Variants in MYO1A observed in about 807,000 individuals in gnomAD.
The protein encoded by MYO1A is unconventional myosin-Ia.
Under a neutral mutation model 138.5 loss-of-function variants are expected in MYO1A, and 127 were observed. That is an observed-to-expected ratio of 0.92 (90% confidence interval 0.79 to 1.06). MYO1A has a LOEUF of 1.06. Among genes scored for constraint, MYO1A ranks in the 50% least tolerant of loss-of-function variants. MYO1A has a pLI of 0.00. For missense variants in MYO1A, 1,211 were observed against 1,288.8 expected (o/e 0.94, Z 0.92); for synonymous variants, 477 against 497.5 (o/e 0.96, Z 0.55).
At chr12:57,038,151 C>A (rs933902950) in intron 17 of MYO1A, 82 bp from the exon 18 acceptor site, 3 of 1,502,072 alleles carry the variant, frequency 2.0e-6, no homozygotes, top group Non-Finnish European at 1.8e-6. Flanking sequence ...CTATGCTGCA[C>A]ACGGTGCACT....
At position 57,046,603 on chromosome 12, in the gene MYO1A, T is replaced by G; in HGVS notation, c.589A>C (p.Asn197His). The change falls in exon 8 of 28, where the codon AAC becomes CAC. Residue 197 changes from asparagine to histidine, a missense_variant. Asn to His is a moderately conservative substitution (Grantham distance 68). Coordinates refer to ENST00000300119, the MANE Select transcript of MYO1A (RefSeq NM_005379.4). ...RLVKQLKGER[N>H]FHIFYQLLAG... ...AGCAGCTGATAGAAGATGTGGAAGT[T>G]CCTTTCTCCTTTGAGCTGCTTCACT... 1 of 1,614,108 alleles carries G rather than the reference T, an allele frequency of 6.2e-7. No individual in the cohort carries two copies. The highest frequency in any genetic ancestry group is 8.5e-7 in the Non-Finnish European group (1 of 1,180,024).
At chr12:57,050,612 T>TG (rs1565649951), upstream of MYO1A, 1 of 152,228 alleles carries the variant, frequency 6.6e-6, no homozygotes, top group Non-Finnish European at 1.5e-5. Context: ...TGAGATTACT[T>TG]GGAGAGCTAA....
At chr12:57,035,797 C>T (rs1220720260) in intron 22 of MYO1A, among the ~76,000 whole-genome samples, 1 of 152,194 alleles carries the variant, frequency 6.6e-6, no homozygotes, top group Non-Finnish European at 1.5e-5. Context: ...CCAGCCTGAC[C>T]CACGTCCTCC....
At chr12:57,030,951 A>G in intron 23 of MYO1A, 89 bp downstream of exon 23, 1 of 1,518,552 alleles carries the variant, frequency 6.6e-7, no homozygotes. Context: ...TTTAATGGGA[A>G]AAAAATAGAA....
In MYO1A at chr12:57,036,822, TC is replaced by T; in HGVS notation, c.2223del (p.Lys742ArgfsTer2). Reference sequence around the variant, plus strand: ...ATCAATAACACGGATGCCTTTATCTTCCCATAGCATTTCTTTTGCTGTAGAA... The same window carrying T: ...ATCAATAACACGGATGCCTTTATCTTCCATAGCATTTCTTTTGCTGTAGAA... Reference protein sequence around the residue: ...FRGNMQKKCYGKIKASVLLIQ... With the variant: ...FRGNMQKKCYXKIKASVLLIQ... On this transcript the variant is annotated frameshift_variant, in exon 21 of 28. Coordinates refer to ENST00000300119, the MANE Select transcript of MYO1A (RefSeq NM_005379.4). LOFTEE classifies it high-confidence loss of function. 1 of 1,614,226 alleles carries T rather than the reference TC, an allele frequency of 6.2e-7. No individual in the cohort carries two copies. The highest frequency in any genetic ancestry group is 8.5e-7 in the Non-Finnish European group (1 of 1,180,042).
chr12:57,038,143 A>C, intron 17 of MYO1A, 74 bp from the exon 18 acceptor site: 1 of 1,523,970 alleles, frequency 6.6e-7, no homozygotes, highest in Non-Finnish European at 9.1e-7. Context: ...ATATTCCCCT[A>C]TGCTGCACAC....
chr12:57,037,737 CATTCA>C (rs2030631272), intron 18 of MYO1A, 96 bp from the exon 19 acceptor site: 4 of 1,485,550 alleles, frequency 2.7e-6, no homozygotes, highest in Admixed American at 1.7e-5. Flanking sequence ...AAGAAGTGAT[CATTCA>C]ATTCATTTCT....
intron 5 of MYO1A, 48 bp from the exon 6 acceptor site, chr12:57,047,155 A>C (rs1487848988): frequency 6.2e-7 from 1 of 1,608,962 alleles, no homozygotes; most frequent in East Asian, 2.2e-5. Flanking sequence ...AAGGGAAAGG[A>C]GGAAGGGCTT....
At chr12:57,045,271 G>A (rs1045967790) in intron 8 of MYO1A, among the ~76,000 whole-genome samples, 16 of 151,904 alleles carry the variant, frequency 1.1e-4, no homozygotes, top group African/African-American at 2.7e-4. Context: ...GGAGGGATTC[G>A]GTTAATCATG....
At chr12:57,040,974 A>C (rs927714935) in intron 14 of MYO1A, among the ~76,000 whole-genome samples, 1 of 152,092 alleles carries the variant, frequency 6.6e-6, no homozygotes, top group Non-Finnish European at 1.5e-5. Context: ...CCACACATGT[A>C]CCCTGGGAGG....
At chr12:57,045,235 A>G (rs1328533112) in intron 8 of MYO1A, among the ~76,000 whole-genome samples, 2 of 152,154 alleles carry the variant, frequency 1.3e-5, no homozygotes, top group Non-Finnish European at 2.9e-5. Context: ...AATCAAGTGA[A>G]TGATCAAAGC....
Position 57,038,474 on chromosome 12 carries a change from C to T in MYO1A, c.1698G>A (p.Gln566=), listed in dbSNP as rs1160233012. The T allele has an allele frequency of 6.2e-7, 1 of 1,614,244 alleles. No individual in the cohort carries two copies. The highest frequency in any genetic ancestry group is 1.7e-5 in the Admixed American group (1 of 60,028). Residue 566 remains glutamine (Q), a synonymous_variant, in exon 17 of 28, where the codon CAG becomes CAA. Coordinates refer to ENST00000300119, the MANE Select transcript of MYO1A (RefSeq NM_005379.4). ...SLKRPPTAGA[Q]FKSSVAILMK... is the part of the protein sequence containing the mutation. Reference sequence around the variant, plus strand: ...TGAGGATGGCCACAGAACTCTTGAACTGGGCCCCAGCAGTCGGGGGGCGTT... The same window carrying T: ...TGAGGATGGCCACAGAACTCTTGAATTGGGCCCCAGCAGTCGGGGGGCGTT...
At chr12:57,049,084 C>T (rs1333224691) in intron 1 of MYO1A, among the ~76,000 whole-genome samples, 1 of 152,250 alleles carries the variant, frequency 6.6e-6, no homozygotes, top group Non-Finnish European at 1.5e-5. Context: ...CCATCTCTAG[C>T]TTTTACACCC....
Position 57,028,802 on chromosome 12 carries a change from G to C in MYO1A, c.3085C>G (p.Arg1029Gly). 6.2e-7 allele frequency: 1 copy of C among 1,613,554 alleles called. No homozygotes were observed. The highest frequency in any genetic ancestry group is 8.5e-7 in the Non-Finnish European group (1 of 1,179,802). ...CAATGACTCCCCTTTTTTTTGTAGC[G>C]TAGCTTGCTGTTGTCACCACCTGCA... The part of the protein sequence containing the change: ...GPAGGDNSKL[R>G]YKKKGSHCLE... The change falls in exon 28 of 28, where the codon CGC becomes GGC. Residue 1029 changes from arginine (R) to glycine (G), a missense_variant. Coordinates refer to ENST00000300119, the MANE Select transcript of MYO1A (RefSeq NM_005379.4).
At chr12:57,043,405 T>C in intron 10 of MYO1A, 47 bp from the exon 11 acceptor site, 4 of 1,565,842 alleles carry the variant, frequency 2.6e-6, no homozygotes, top group African/African-American at 1.4e-5. Context: ...CAGCTTTCTC[T>C]CAGGGGAGGG....
chr12:57,032,688 A>AG (rs749258118), intron 22 of MYO1A, among the ~76,000 whole-genome samples: 2 of 152,130 alleles, frequency 1.3e-5, no homozygotes, highest in Non-Finnish European at 2.9e-5. Flanking sequence ...CTAAAAAAGA[A>AG]GAAAAAAAAA....
At chr12:57,050,969 G>GT (rs1442169689), upstream of MYO1A, 2 of 152,152 alleles carry the variant, frequency 1.3e-5, no homozygotes, top group African/African-American at 4.8e-5. Context: ...ATTTTAATTC[G>GT]TCAGCACTAG....
Position 57,047,976 on chromosome 12 carries a change from TC to T in MYO1A, c.230+12del. On this transcript the variant is annotated intron_variant, in intron 3 of 27. Coordinates refer to ENST00000300119, the MANE Select transcript of MYO1A (RefSeq NM_005379.4). ...TGGGGCCCTGTCAGCCTTCCCTTGG[TC>T]CCCCTACTCACATATGGGGCTTCAG... 6.2e-7 allele frequency: 1 copy of T among 1,601,540 alleles called. No individual in the cohort carries two copies. Among genetic ancestry groups the T allele is most frequent in the Non-Finnish European group, 8.6e-7 (1 of 1,168,578 alleles).
At position 57,037,913 on chromosome 12, in the gene MYO1A, T is replaced by G; in HGVS notation, c.1917A>C (p.Arg639=). Residue 639 remains arginine (R), a synonymous_variant, in exon 18 of 28, where the codon CGA becomes CGC. Transcript: ENST00000300119. ...QGYGPFLERY[R]LLSRSTWPHW... is the part of the protein sequence containing the mutation. ...GAGGCCAGGTGCTCCGGCTCAGCAA[T>G]CGGTACCTTTCCAGGAAGGGCCCAT... 6.2e-7 allele frequency: 1 copy of G among 1,614,138 alleles called. No individual in the cohort carries two copies.
Sources: allele counts gnomAD v4.1 joint callset (sites outside exome capture counted in the v4.1 genomes callset), GRCh38; gene constraint gnomAD v4.1.1; transcripts MANE v1.5; gene names NCBI Gene and HGNC (gene_info 2026-07-23, HGNC 2026-07-21).